NLRC5: variants seen among roughly 807,000 people sequenced by gnomAD.
NLRC5 encodes NLR family CARD domain containing 5.
NLRC5 carries 114 observed loss-of-function variants against 206.9 expected under a neutral mutation model. That is an observed-to-expected ratio of 0.55 (90% CI 0.47 to 0.64). NLRC5 has a LOEUF of 0.64. Ranked by LOEUF, NLRC5 falls within the 30% of genes least tolerant of loss-of-function variation. The probability of loss-of-function intolerance (pLI) is 0.00; values close to 1 mark genes in which losing one functional copy is unlikely to be tolerated. For missense variants in NLRC5, 2,008 were observed against 2,305.5 expected, an observed-to-expected ratio of 0.87 and a Z score of 2.64; for synonymous variants, 952 against 962.8, an observed-to-expected ratio of 0.99 and a Z score of 0.21.
intron 19 of NLRC5, among the ~76,000 whole-genome samples, chr16:57,042,835 C>G (rs1395760425): frequency 6.6e-6 from 1 of 152,168 alleles, no homozygotes; most frequent in African/African-American, 2.4e-5. Flanking sequence ...CTAAGGACCC[C>G]CTGCTCACAC....
chr16:57,078,463 C>CTTTT (rs1567650358), intron 43 of NLRC5, among the ~76,000 whole-genome samples: 1 of 123,868 alleles, frequency 8.1e-6, no homozygotes, highest in African/African-American at 3.6e-5. Flanking sequence ...GTGCTGGGAC[C>CTTTT]TTGTTTTTTT....
At chr16:56,990,834 A>T (rs1481278143) in intron 1 of NLRC5, 1 of 152,078 alleles carries the variant, frequency 6.6e-6, no homozygotes, top group Non-Finnish European at 1.5e-5. Flanking sequence ...GATGCTTTTC[A>T]GGTGTATCTA....
At chr16:57,066,663 G>A (rs539409050) in intron 34 of NLRC5, 49 bp downstream of exon 34, 156 of 1,511,490 alleles carry the variant, frequency 1.0e-4, no homozygotes, top group Non-Finnish European at 1.3e-4. Flanking sequence ...TGTTGGGGAG[G>A]GGGCAGGGCT....
rs144498415 is a variant in NLRC5, at chr16:57,003,205, C to T, written c.-128+13588C>T. Among the ~76,000 whole-genome samples the T allele has an allele frequency of 9.9e-5, 15 of 152,186 alleles. No homozygotes were observed. The South Asian group carries it at 1.7e-3, about 17-fold the overall frequency. On this transcript the variant is annotated intron_variant, in intron 1 of 48. Coordinates refer to ENST00000688547, the MANE Select transcript of NLRC5 (RefSeq NM_001384950.1). ...CTGGGATTACAGGCGCCTGCCACCA[C>T]GCCTGGCTAATTTTTTTTATTTTAA...
At chr16:57,027,701 A>G (rs1439210191) in intron 6 of NLRC5, among the ~76,000 whole-genome samples, 7 of 152,196 alleles carry the variant, frequency 4.6e-5, no homozygotes, top group Admixed American at 2.0e-4. Flanking sequence ...CGTCATGGGT[A>G]TATCTGTGCT....
chr16:57,056,868 A>T (rs1034863240), intron 27 of NLRC5, among the ~76,000 whole-genome samples: 2 of 151,972 alleles, frequency 1.3e-5, no homozygotes, highest in African/African-American at 4.8e-5. Flanking sequence ...CATGTTGGCC[A>T]GGCTGGTCTT....
chr16:57,055,315 C>G (rs1269335980), intron 26 of NLRC5, 118 bp from the exon 27 acceptor site: 1 of 1,019,494 alleles, frequency 9.8e-7, no homozygotes, highest in African/African-American at 1.6e-5. Flanking sequence ...CCAGAGGGTC[C>G]AAGCTTGAGT....
At position 57,059,451 on chromosome 16, in the gene NLRC5, G is replaced by A. The variant is rs746153226; in HGVS notation, c.3921-16G>A. ...ATGTCTGGGCACCGTGCTTCCCCAG[G>A]CCCTTCTCTCTGCAGCCTGGGCTCT... On this transcript the variant is annotated splice_polypyrimidine_tract_variant and intron_variant, in intron 29 of 48. Transcript: ENST00000688547. 6.2e-7 allele frequency: 1 copy of A among 1,600,888 alleles called. No homozygotes were observed. Among genetic ancestry groups the A allele is most frequent in the Non-Finnish European group, 8.5e-7 (1 of 1,173,616 alleles).
At chr16:57,025,328 G>A (rs746124102) in intron 5 of NLRC5, 40 bp from the exon 6 acceptor site, 35 of 1,499,604 alleles carry the variant, frequency 2.3e-5, no homozygotes, top group African/African-American at 2.8e-5. Flanking sequence ...GCAGAGGGCC[G>A]GGGGGTCCTC....
At chr16:57,070,495 C>A in intron 37 of NLRC5, 40 bp from the exon 38 acceptor site, 1 of 1,570,314 alleles carries the variant, frequency 6.4e-7, no homozygotes, top group Non-Finnish European at 8.8e-7. Context: ...CAGGGCTGGG[C>A]AGGCTGCGCT....
Position 57,081,537 on chromosome 16 carries a change from A to T in NLRC5, c.5416A>T (p.Asn1806Tyr). Reference sequence around the variant, plus strand: ...CTGTCCACTGAGAAGCCTGGAGAAGAATCAGATCACAGCTTTGGGGGCCTG... The same window carrying T: ...CTGTCCACTGAGAAGCCTGGAGAAGTATCAGATCACAGCTTTGGGGGCCTG... Reference protein sequence around the residue: ...GRLKRVDLEKNQITALGAWLL... With the variant: ...GRLKRVDLEKYQITALGAWLL... The change falls in exon 48 of 49, where the codon AAT becomes TAT. Residue 1806 changes from asparagine (N) to tyrosine (Y), a missense_variant. Transcript: ENST00000688547. The T allele has an allele frequency of 6.2e-7, 1 of 1,614,084 alleles. No homozygotes were observed. Among genetic ancestry groups the T allele is most frequent in the Non-Finnish European group, 8.5e-7 (1 of 1,179,986 alleles).
At position 57,079,236 on chromosome 16, in the gene NLRC5, C is replaced by T. The variant is rs1029462445; in HGVS notation, c.5181C>T (p.Asn1727=). The change falls in exon 45 of 49, where the codon AAC becomes AAT. Residue 1727 remains asparagine, a synonymous_variant. Transcript: ENST00000688547. ...HLEEISLAEN[N]LAGGVLRFCM... ...TACCCTGCAGCTTGGCGGAAAACAA[C>T]CTGGCTGGAGGGGTCCTGCGTTTCT... The T allele has an allele frequency of 1.9e-6, 3 of 1,613,900 alleles. No individual in the cohort carries two copies. The highest frequency in any genetic ancestry group is 1.7e-4 in the Middle Eastern group (1 of 6,060).
intron 32 of NLRC5, among the ~76,000 whole-genome samples, chr16:57,064,123 T>C (rs1411130887): frequency 1.3e-5 from 2 of 152,036 alleles, no homozygotes; most frequent in African/African-American, 4.8e-5. Context: ...TCCCAACACT[T>C]TGGGAGGCTG....
At chr16:57,076,295 G>A (rs1361109710) in intron 39 of NLRC5, among the ~76,000 whole-genome samples, 1 of 152,232 alleles carries the variant, frequency 6.6e-6, no homozygotes, top group East Asian at 1.9e-4. Context: ...AAGACCATTT[G>A]CCTCAGCTAT....
intron 1 of NLRC5, among the ~76,000 whole-genome samples, chr16:56,998,025 G>C (rs2057822766): frequency 6.6e-6 from 1 of 152,054 alleles, no homozygotes; most frequent in Admixed American, 6.6e-5. Context: ...TTTTGGGTCA[G>C]TGAGACCCAA....
chr16:57,023,661 T>C (rs2060924325), intron 4 of NLRC5, 124 bp from the exon 5 acceptor site: 2 of 698,984 alleles, frequency 2.9e-6, no homozygotes, highest in Admixed American at 4.9e-5. Context: ...TTCCAGTCCC[T>C]GCATGTGGGT....
chr16:56,989,798 T>C (rs542164386), intron 1 of NLRC5, among the ~76,000 whole-genome samples, 181 bp downstream of exon 1: 9 of 152,252 alleles, frequency 5.9e-5, no homozygotes, highest in African/African-American at 2.2e-4. Flanking sequence ...AGGGCGCCAG[T>C]GGCCCGGCAG....
intron 32 of NLRC5, chr16:57,062,802 T>A (rs1396152579): frequency 6.6e-6 from 1 of 152,318 alleles, no homozygotes; most frequent in Admixed American, 6.5e-5. Flanking sequence ...TTTCTAAGTG[T>A]ACCATTCAGG....
rs1180570220 is a variant in NLRC5, at chr16:57,028,300, A to G, written c.2160-2A>G. On this transcript the variant is annotated splice_acceptor_variant, in intron 7 of 48. Transcript: ENST00000688547. LOFTEE classifies it high-confidence loss of function. ...TCCCCACCATCTTTGCTTACTCTGT[A>G]GGTTAGCAGGAAGTAAAATCACTGC... 1.9e-6 allele frequency: 3 copies of G among 1,613,232 alleles called. No individual in the cohort carries two copies. The highest frequency in any genetic ancestry group is 2.5e-6 in the Non-Finnish European group (3 of 1,179,216).
Sources: allele counts gnomAD v4.1 joint callset (sites outside exome capture counted in the v4.1 genomes callset), GRCh38; gene constraint gnomAD v4.1.1; transcripts MANE v1.5; gene names NCBI Gene and HGNC (gene_info 2026-07-23, HGNC 2026-07-21).